ANXA3: variants seen among roughly 807,000 people sequenced by gnomAD.
ANXA3 encodes the protein annexin A3, also known as 35-alpha calcimedin.
A neutral mutation model predicts 48.8 loss-of-function variants in ANXA3; 46 were observed. The ratio of observed to expected loss-of-function variants is 0.94; its 90% CI spans 0.74 to 1.21. The LOEUF (loss-of-function observed/expected upper bound fraction) is 1.21, where lower values mean the gene tolerates loss of function less well. Among genes scored for constraint, ANXA3 ranks in the 50% most tolerant of loss-of-function variants. The pLI, the probability that ANXA3 is intolerant of heterozygous loss-of-function variation, is 0.00. For synonymous variants in ANXA3, 128 were observed against 134.7 expected (o/e 0.95, Z 0.35); for missense variants, 383 against 378.6 (o/e 1.01, Z -0.10).
chr4:78,597,789 T>G (rs1723451750), intron 10 of ANXA3, among the ~76,000 whole-genome samples: 1 of 151,988 alleles, frequency 6.6e-6, no homozygotes, highest in Non-Finnish European at 1.5e-5. Context: ...TAATTTTGTA[T>G]TTTTTGTAGA....
chr4:78,561,355 G>C (rs930597525), intron 2 of ANXA3, among the ~76,000 whole-genome samples: 1 of 152,174 alleles, frequency 6.6e-6, no homozygotes, highest in Non-Finnish European at 1.5e-5. Flanking sequence ...TAGTGGTAGA[G>C]GCTCTTAGGA....
chr4:78,567,688 G>A (rs868577442), intron 2 of ANXA3, among the ~76,000 whole-genome samples: 3 of 152,274 alleles, frequency 2.0e-5, no homozygotes, highest in South Asian at 2.1e-4. Context: ...TGCAGATAAA[G>A]GTTAGTTAGT....
At chr4:78,553,369 T>G (rs1327734553) in intron 1 of ANXA3, among the ~76,000 whole-genome samples, 1 of 152,208 alleles carries the variant, frequency 6.6e-6, no homozygotes, top group Non-Finnish European at 1.5e-5. Context: ...CGTGCACCAG[T>G]GCACACAGAT....
intron 1 of ANXA3, among the ~76,000 whole-genome samples, chr4:78,553,435 T>C (rs1398392006): frequency 1.3e-5 from 2 of 152,230 alleles, no homozygotes; most frequent in Non-Finnish European, 2.9e-5. Flanking sequence ...CAACACCCCC[T>C]TCTTCACTTT....
chr4:78,581,703 C>A (rs1723073231), intron 4 of ANXA3, among the ~76,000 whole-genome samples: 1 of 152,150 alleles, frequency 6.6e-6, no homozygotes, highest in South Asian at 2.1e-4. Flanking sequence ...CTTCTGATGC[C>A]ACCTAGTTCC....
At chr4:78,558,071 A>C (rs1007466057) in intron 2 of ANXA3, among the ~76,000 whole-genome samples, 2 of 152,220 alleles carry the variant, frequency 1.3e-5, no homozygotes, top group Admixed American at 6.5e-5. Context: ...AGAGGAAGAA[A>C]ACCCTGTCAC....
intron 3 of ANXA3, among the ~76,000 whole-genome samples, chr4:78,578,132 T>A (rs1426544612): frequency 1.3e-5 from 2 of 150,872 alleles, no homozygotes; most frequent in Non-Finnish European, 2.9e-5. Context: ...AAAAAAAAAA[T>A]TAGCTGGGCA....
At chr4:78,606,587 A>C (rs1414733521) in intron 12 of ANXA3, among the ~76,000 whole-genome samples, 1 of 152,118 alleles carries the variant, frequency 6.6e-6, no homozygotes, top group East Asian at 1.9e-4. Context: ...TACCCACAAT[A>C]GCCACCCTTG....
At chr4:78,575,462 T>G (rs1218016991) in intron 3 of ANXA3, among the ~76,000 whole-genome samples, 1 of 152,176 alleles carries the variant, frequency 6.6e-6, no homozygotes. Flanking sequence ...CTCATGATAG[T>G]GAATAAGTCT....
At chr4:78,559,013 A>G (rs894749944) in intron 2 of ANXA3, among the ~76,000 whole-genome samples, 1 of 152,232 alleles carries the variant, frequency 6.6e-6, no homozygotes, top group Non-Finnish European at 1.5e-5. Flanking sequence ...GAATAATAAT[A>G]AATGTAATTC....
At chr4:78,597,297 A>G (rs753844970) in intron 9 of ANXA3, 22 bp from the exon 10 acceptor site, 1 of 1,506,750 alleles carries the variant, frequency 6.6e-7, no homozygotes, top group South Asian at 1.1e-5. Flanking sequence ...GCTTTAAATA[A>G]TTTTGTGGTG....
chr4:78,589,182 C>T (rs2109941433), intron 6 of ANXA3, among the ~76,000 whole-genome samples: 1 of 152,258 alleles, frequency 6.6e-6, no homozygotes, highest in Admixed American at 6.5e-5. Flanking sequence ...AAATGAGTGT[C>T]CTCAAAATTG....
intron 6 of ANXA3, among the ~76,000 whole-genome samples, chr4:78,586,783 C>T (rs142663681): frequency 6.6e-6 from 1 of 152,260 alleles, no homozygotes; most frequent in East Asian, 1.9e-4. Context: ...AGCTAAAGAC[C>T]TAATAGTCTG....
intron 3 of ANXA3, among the ~76,000 whole-genome samples, chr4:78,573,515 G>A (rs1057487276): frequency 6.6e-6 from 1 of 152,112 alleles, no homozygotes; most frequent in Admixed American, 6.5e-5. Flanking sequence ...AAATGCCGGG[G>A]GAATCTCAAC....
At chr4:78,570,337 G>A (rs1722818913) in intron 2 of ANXA3, among the ~76,000 whole-genome samples, 1 of 152,200 alleles carries the variant, frequency 6.6e-6, no homozygotes, top group Non-Finnish European at 1.5e-5. Context: ...AAAGGCCAGT[G>A]AAAAGTTCAC....
chr4:78,557,693 T>TC (rs1722546383), intron 2 of ANXA3, among the ~76,000 whole-genome samples: 1 of 43,238 alleles, frequency 2.3e-5, no homozygotes, highest in African/African-American at 5.2e-5. Flanking sequence ...GTTTTTCTTT[T>TC]TTTTTTTTTT....
At chr4:78,589,147 G>T (rs557087035) in intron 6 of ANXA3, among the ~76,000 whole-genome samples, 3 of 152,210 alleles carry the variant, frequency 2.0e-5, no homozygotes, top group African/African-American at 7.2e-5. Context: ...AAGAACAGTG[G>T]GGCAGATAAG....
chr4:78,607,461 G>T (rs1207726468), intron 12 of ANXA3, among the ~76,000 whole-genome samples: 1 of 151,660 alleles, frequency 6.6e-6, no homozygotes, highest in African/African-American at 2.4e-5. Context: ...AGAAGGCAAG[G>T]AAGAACAGAG....
chr4:78,606,580 C>T (rs1209287492), intron 12 of ANXA3, among the ~76,000 whole-genome samples: 1 of 152,120 alleles, frequency 6.6e-6, no homozygotes, highest in African/African-American at 2.4e-5. Flanking sequence ...ATGGCCCTAC[C>T]CACAATAGCC....
Sources: allele counts gnomAD v4.1 joint callset (sites outside exome capture counted in the v4.1 genomes callset), GRCh38; gene constraint gnomAD v4.1.1; transcripts MANE v1.5; gene names NCBI Gene and HGNC (gene_info 2026-07-23, HGNC 2026-07-21).